Variants in RBMS1 observed in about 807,000 individuals in gnomAD.
RBMS1 encodes RNA-binding motif, single-stranded-interacting protein 1.
In RBMS1, 17 loss-of-function variants were observed where a neutral mutation model predicts 62.3. That is an observed-to-expected ratio of 0.27 (90% CI 0.19 to 0.41). The LOEUF is 0.41. Ranked by LOEUF, RBMS1 falls within the 10% of genes least tolerant of loss-of-function variation. The pLI is 1.00. For missense variants in RBMS1, 334 were observed against 504.5 expected, an observed-to-expected ratio of 0.66 and a Z score of 3.24; for synonymous variants, 172 against 170.0, an observed-to-expected ratio of 1.01 and a Z score of -0.09.
At chr2:160,386,982 T>C (rs1694613770) in intron 1 of RBMS1, among the ~76,000 whole-genome samples, 1 of 152,210 alleles carries the variant, frequency 6.6e-6, no homozygotes, top group Non-Finnish European at 1.5e-5. Flanking sequence ...ACTGTTATTT[T>C]GTGTACATCA....
intron 2 of RBMS1, among the ~76,000 whole-genome samples, chr2:160,329,759 T>A (rs981995235): frequency 6.6e-6 from 1 of 151,836 alleles, no homozygotes. Flanking sequence ...GGTCTGGGTA[T>A]GGAGATCAGG....
At chr2:160,342,769 C>CAAAAAAAAAAAAAAAA (rs550170417) in intron 2 of RBMS1, among the ~76,000 whole-genome samples, 2 of 117,322 alleles carry the variant, frequency 1.7e-5, no homozygotes, top group African/African-American at 3.4e-5. Flanking sequence ...ATACAAAATA[C>CAAAAAAAAAAAAAAAA]AAAAAAAAAA....
At chr2:160,319,538 A>C (rs1351192697) in intron 2 of RBMS1, among the ~76,000 whole-genome samples, 1 of 152,162 alleles carries the variant, frequency 6.6e-6, no homozygotes, top group East Asian at 1.9e-4. Flanking sequence ...AAATCAAATC[A>C]AAGTAAGACT....
chr2:160,351,747 G>A (rs6757895), intron 2 of RBMS1, among the ~76,000 whole-genome samples: 1,641 of 152,174 alleles, frequency 0.011, 38 homozygotes, highest in African/African-American at 0.035. Context: ...CAATGGAAAT[G>A]CATTAGATAT....
At chr2:160,476,380 G>GTA (rs1400334456) in intron 1 of RBMS1, among the ~76,000 whole-genome samples, 1 of 151,960 alleles carries the variant, frequency 6.6e-6, no homozygotes, top group African/African-American at 2.4e-5. Flanking sequence ...TCCTAATCAC[G>GTA]TATGTATTTG....
intron 1 of RBMS1, among the ~76,000 whole-genome samples, chr2:160,403,874 T>C (rs1308508736): frequency 6.6e-6 from 1 of 151,968 alleles, no homozygotes; most frequent in African/African-American, 2.4e-5. Context: ...GGAAGAGGAG[T>C]AGCTAATAAA....
intron 2 of RBMS1, among the ~76,000 whole-genome samples, chr2:160,348,578 T>C (rs1366709126): frequency 6.6e-6 from 1 of 152,154 alleles, no homozygotes; most frequent in Non-Finnish European, 1.5e-5. Context: ...TTCTCATTGA[T>C]GGCTGAGCCT....
At chr2:160,281,635 T>C (rs1278310919) in intron 9 of RBMS1, 4 of 322,832 alleles carry the variant, frequency 1.2e-5, no homozygotes, top group Non-Finnish European at 2.3e-5. Flanking sequence ...CGAAACAGAC[T>C]GGGCCCCACC....
At chr2:160,277,067 G>A (rs1363000959) in intron 12 of RBMS1, among the ~76,000 whole-genome samples, 1 of 152,094 alleles carries the variant, frequency 6.6e-6, no homozygotes, top group Non-Finnish European at 1.5e-5. Flanking sequence ...TTTATTTTTT[G>A]TAGAGATGGG....
At chr2:160,362,164 T>G (rs1693165452) in intron 2 of RBMS1, among the ~76,000 whole-genome samples, 1 of 152,222 alleles carries the variant, frequency 6.6e-6, no homozygotes, top group Non-Finnish European at 1.5e-5. Context: ...CTTAAGGGAA[T>G]GTTGTAGGTG....
At chr2:160,310,802 CAT>C (rs1242583322) in intron 4 of RBMS1, among the ~76,000 whole-genome samples, 1 of 152,168 alleles carries the variant, frequency 6.6e-6, no homozygotes, top group African/African-American at 2.4e-5. Flanking sequence ...ATAGGTATCA[CAT>C]AGTCATAATA....
intron 2 of RBMS1, among the ~76,000 whole-genome samples, chr2:160,336,833 T>TG (rs780558750): frequency 6.9e-4 from 105 of 152,190 alleles, no homozygotes; most frequent in Admixed American, 1.7e-3. Flanking sequence ...TAGATGTTTA[T>TG]GGGCTGTTGC....
intron 2 of RBMS1, among the ~76,000 whole-genome samples, chr2:160,363,498 AG>A (rs1693239627): frequency 6.6e-6 from 1 of 152,020 alleles, no homozygotes; most frequent in African/African-American, 2.4e-5. Flanking sequence ...GTAGTAGAGG[AG>A]CAAATGGTTC....
chr2:160,457,998 C>T (rs1302458846), intron 1 of RBMS1, among the ~76,000 whole-genome samples: 1 of 151,618 alleles, frequency 6.6e-6, no homozygotes, highest in Non-Finnish European at 1.5e-5. Flanking sequence ...GAGACAGTGT[C>T]TCACTGTGTC....
intron 2 of RBMS1, among the ~76,000 whole-genome samples, chr2:160,360,857 G>A (rs1693091126): frequency 1.3e-5 from 2 of 152,038 alleles, no homozygotes; most frequent in African/African-American, 4.8e-5. Context: ...TTGCTTTACT[G>A]TTTCACCTTT....
intron 1 of RBMS1, among the ~76,000 whole-genome samples, chr2:160,438,961 C>T (rs1201842468): frequency 1.4e-5 from 2 of 144,970 alleles, no homozygotes; most frequent in Non-Finnish European, 3.0e-5. Context: ...CCAGTAGGGG[C>T]GGCCGGGCAG....
At position 160,303,415 on chromosome 2, in the gene RBMS1, T is replaced by G; in HGVS notation, c.475A>C (p.Asn159His). 6.2e-7 allele frequency: 1 copy of G among 1,613,640 alleles called. No individual in the cohort carries two copies. The highest frequency in any genetic ancestry group is 8.5e-7 in the Non-Finnish European group (1 of 1,179,602). The change falls in exon 5 of 14, where the codon AAT becomes CAT. Residue 159 changes from asparagine (N) to histidine (H), a missense_variant. Coordinates refer to ENST00000348849, the MANE Select transcript of RBMS1 (RefSeq NM_016836.4). ...PLSMDEQELE[N>H]MLKPFGQVIS... is the part of the protein sequence containing the mutation. ...ACTTGTCCAAATGGTTTGAGCATATTTTCTAGTTCTTGCTCATCCATGGAG... is the reference window on the plus strand; with the variant it reads ...ACTTGTCCAAATGGTTTGAGCATATGTTCTAGTTCTTGCTCATCCATGGAG...
chr2:160,365,720 G>A (rs758810538), intron 2 of RBMS1, among the ~76,000 whole-genome samples: 2 of 152,108 alleles, frequency 1.3e-5, no homozygotes, highest in Admixed American at 6.5e-5. Context: ...TGAGAGTTAC[G>A]TCCATTCTTC....
intron 4 of RBMS1, among the ~76,000 whole-genome samples, chr2:160,303,736 T>C (rs1689337616): frequency 6.6e-6 from 1 of 152,196 alleles, no homozygotes; most frequent in Non-Finnish European, 1.5e-5. Context: ...TTGGAGAGGA[T>C]GCCCTCATGG....
Sources: allele counts gnomAD v4.1 joint callset (sites outside exome capture counted in the v4.1 genomes callset), GRCh38; gene constraint gnomAD v4.1.1; transcripts MANE v1.5; gene names NCBI Gene and HGNC (gene_info 2026-07-23, HGNC 2026-07-21).